The following GAB2 variants were observed in gnomAD, a reference collection of about 807,000 sequenced individuals.
The protein encoded by GAB2 is GRB2 associated binding protein 2.
In GAB2, 26 loss-of-function variants were observed where a neutral mutation model predicts 65.5. The observed-to-expected ratio is 0.40, with a 90% CI of 0.29 to 0.55. The LOEUF is 0.55. GAB2 is among the 20% of genes least tolerant of loss of function. The pLI is 0.53. For synonymous variants in GAB2, 321 were observed against 329.6 expected, an observed-to-expected ratio of 0.97 and a Z score of 0.28; for missense variants, 884 against 875.8, an observed-to-expected ratio of 1.01 and a Z score of -0.12.
In GAB2 at chr11:78,288,796, G is replaced by T. The variant is rs769380226; in HGVS notation, c.76-7895C>A. Among the ~76,000 whole-genome samples the T allele has an allele frequency of 7.9e-5, 12 of 152,326 alleles. No individual in the cohort carries two copies. In the South Asian group the frequency reaches 8.3e-4, roughly 11 times the overall value. ...CACAATTCCCATCAAAATCCCACAA[G>T]AATGTCTGTAGATGTACGTAAGATT... On this transcript the variant is annotated intron_variant, in intron 1 of 9. Coordinates refer to ENST00000361507, the MANE Select transcript of GAB2 (RefSeq NM_080491.3).
intron 2 of GAB2, among the ~76,000 whole-genome samples, chr11:78,258,894 C>T (rs745795305): frequency 7.2e-5 from 11 of 151,998 alleles, no homozygotes; most frequent in Non-Finnish European, 1.6e-4. Context: ...CTTTTAGGTT[C>T]AGGGGTACAC....
chr11:78,216,037 A>T lies in GAB2; in HGVS notation c.*3235T>A, dbSNP rs1002489220. On this transcript the variant is annotated 3_prime_UTR_variant, in exon 10 of 10. Transcript: ENST00000361507. ...AAGTCAAGCTAGGAGGGGACTGGGG[A>T]TAGGTACTGCCCACCCCAATCCCCC... 6.6e-6 allele frequency: 1 copy of T among 152,646 alleles called. No homozygotes were observed. The highest frequency in any genetic ancestry group is 2.4e-5 in the African/African-American group (1 of 41,448). 9.5% of individuals were successfully genotyped at this position (152,646 alleles called of 1,614,324 possible).
rs193061168 is a variant in GAB2, at chr11:78,370,579, T to A, written c.75+47067A>T. On this transcript the variant is annotated intron_variant, in intron 1 of 9. Coordinates refer to ENST00000361507, the MANE Select transcript of GAB2 (RefSeq NM_080491.3). ...GTGGGGAAAGACTGGTAGGAAAGAA[T>A]AGGAGGGAAAGGAAACCAAGGCTAT... is the stretch of plus-strand genomic sequence containing the variant. Among the ~76,000 whole-genome samples the A allele has an allele frequency of 2.6e-5, 4 of 151,962 alleles. No individual in the cohort carries two copies. In the East Asian group the frequency reaches 7.8e-4, roughly 30 times the overall value.
Position 78,403,795 on chromosome 11 carries a change from G to A in GAB2, c.75+13851C>T, listed in dbSNP as rs73502968. On this transcript the variant is annotated intron_variant, in intron 1 of 9. Coordinates refer to ENST00000361507, the MANE Select transcript of GAB2 (RefSeq NM_080491.3). ...CAAAGGAAACAATTAACAACATGAA[G>A]AAACAACTCACAGAATGCGAGAAAA... 5.3e-3 allele frequency among the ~76,000 whole-genome samples: 803 copies of A among 152,172 alleles called. 6 individuals carry two copies. Among genetic ancestry groups the A allele is most frequent in the African/African-American group, 0.019 (775 of 41,518 alleles).
chr11:78,281,269 G>A lies in GAB2; in HGVS notation c.76-368C>T, dbSNP rs572893718. On this transcript the variant is annotated intron_variant, in intron 1 of 9. Transcript: ENST00000361507. Reference sequence around the variant, plus strand: ...ATGCATTTTTTTTTTTTTTGAGATGGAGTTTCACTCTTGTTACCCAGGCTG... The same window carrying A: ...ATGCATTTTTTTTTTTTTTGAGATGAAGTTTCACTCTTGTTACCCAGGCTG... Among the ~76,000 whole-genome samples, 4 of 145,540 alleles carry A rather than the reference G, an allele frequency of 2.7e-5. No individual in the cohort carries two copies. In the East Asian group the frequency reaches 8.1e-4, roughly 29 times the overall value.
chr11:78,235,444 G>A (rs1422572735), intron 3 of GAB2, among the ~76,000 whole-genome samples: 3 of 152,136 alleles, frequency 2.0e-5, no homozygotes, highest in South Asian at 2.1e-4. Flanking sequence ...GAGCCACTGC[G>A]CCCGGCTGGG....
In GAB2 at chr11:78,219,568, T is replaced by C. The variant is rs545209095; in HGVS notation, c.1888-153A>G. On this transcript the variant is annotated intron_variant, in intron 9 of 9. Transcript: ENST00000361507. ...ACCAGCCTCAGGAGCCTGGCTTCTCTTTCTGAATGTGGGCTTTAAAGCTCA... is the reference window on the plus strand; with the variant it reads ...ACCAGCCTCAGGAGCCTGGCTTCTCCTTCTGAATGTGGGCTTTAAAGCTCA... Among the ~76,000 whole-genome samples, 3 of 152,272 alleles carry C rather than the reference T, an allele frequency of 2.0e-5. No individual in the cohort carries two copies. In the East Asian group the frequency reaches 5.8e-4, roughly 29 times the overall value.
intron 1 of GAB2, among the ~76,000 whole-genome samples, chr11:78,405,559 G>A (rs867981717): frequency 2.0e-4 from 30 of 152,144 alleles, no homozygotes; most frequent in African/African-American, 7.2e-4. Context: ...CTGGTAACAA[G>A]TGCTTTTGTA....
intron 1 of GAB2, among the ~76,000 whole-genome samples, chr11:78,396,006 A>G (rs1856890623): frequency 1.3e-5 from 2 of 152,250 alleles, no homozygotes; most frequent in South Asian, 4.1e-4. Context: ...AAATATAAGC[A>G]TAGTATCGAC....
intron 1 of GAB2, among the ~76,000 whole-genome samples, chr11:78,289,660 T>C (rs1435863610): frequency 6.6e-6 from 1 of 151,778 alleles, no homozygotes; most frequent in African/African-American, 2.4e-5. Context: ...CATAATACGC[T>C]AGTAGACCAC....
chr11:78,220,274 G>T, intron 9 of GAB2, 45 bp downstream of exon 9: 1 of 1,608,478 alleles, frequency 6.2e-7, no homozygotes, highest in South Asian at 1.1e-5. Context: ...TCTGCCTCCG[G>T]GACCCTGAGA....
chr11:78,277,671 G>C (rs76535630), intron 2 of GAB2, among the ~76,000 whole-genome samples: 1,918 of 152,318 alleles, frequency 0.013, 21 homozygotes, highest in South Asian at 0.027. Context: ...TGTGCATGCA[G>C]CCCCTCCTAA....
chr11:78,252,899 A>G (rs1032292201), intron 2 of GAB2, among the ~76,000 whole-genome samples: 1 of 151,322 alleles, frequency 6.6e-6, no homozygotes, highest in Non-Finnish European at 1.5e-5. Context: ...AAGTCCAGGC[A>G]TTATCTATGA....
chr11:78,410,731 C>T (rs886566911), intron 1 of GAB2, among the ~76,000 whole-genome samples: 6 of 152,048 alleles, frequency 3.9e-5, no homozygotes, highest in Admixed American at 1.3e-4. Context: ...TGAAGAACCC[C>T]GTATCTATTA....
At chr11:78,246,675 T>A (rs896756384) in intron 3 of GAB2, among the ~76,000 whole-genome samples, 2 of 152,094 alleles carry the variant, frequency 1.3e-5, no homozygotes, top group Admixed American at 1.3e-4. Flanking sequence ...ATTTTTGTAT[T>A]TTTAGTAGAG....
At chr11:78,225,494 C>A (rs920111706) in intron 4 of GAB2, among the ~76,000 whole-genome samples, 3 of 152,188 alleles carry the variant, frequency 2.0e-5, no homozygotes, top group African/African-American at 7.2e-5. Flanking sequence ...TCCTGCTCAC[C>A]CCAGCCATCA....
At chr11:78,335,800 G>T (rs1265255797) in intron 1 of GAB2, among the ~76,000 whole-genome samples, 1 of 152,114 alleles carries the variant, frequency 6.6e-6, no homozygotes, top group Non-Finnish European at 1.5e-5. Context: ...GACAGGGAAT[G>T]CATTGAATCT....
intron 2 of GAB2, among the ~76,000 whole-genome samples, chr11:78,270,373 A>G (rs1299998187): frequency 6.6e-6 from 1 of 151,664 alleles, no homozygotes; most frequent in Non-Finnish European, 1.5e-5. Flanking sequence ...TCAGTGATTT[A>G]TAAACCTCTT....
intron 1 of GAB2, among the ~76,000 whole-genome samples, chr11:78,346,153 C>A (rs968636536): frequency 1.3e-5 from 2 of 152,148 alleles, no homozygotes; most frequent in Non-Finnish European, 2.9e-5. Flanking sequence ...AAATAACAGG[C>A]AGAATGACTA....
Sources: gnomAD v4.1 joint callset for allele counts (sites outside exome capture counted in the v4.1 genomes callset) on GRCh38, gnomAD v4.1.1 for gene constraint, MANE v1.5 for transcripts, NCBI Gene and HGNC (gene_info 2026-07-23, HGNC 2026-07-21) for gene names.